The following MTUS2 variants were observed in gnomAD, a reference collection of about 807,000 sequenced individuals.
MTUS2 encodes the protein microtubule associated scaffold protein 2.
Under a neutral mutation model 114.1 loss-of-function variants are expected in MTUS2, and 40 were observed. That is an observed-to-expected ratio of 0.35 (90% CI 0.27 to 0.46). MTUS2 has a LOEUF of 0.46. Ranked by LOEUF, MTUS2 falls within the 20% of genes least tolerant of loss-of-function variation. The pLI is 1.00. For synonymous variants in MTUS2, 688 were observed against 672.0 expected (o/e 1.02, Z -0.37); for missense variants, 1,679 against 1,705.4 (o/e 0.98, Z 0.27).
At chr13:29,475,005 A>G (rs984987113) in intron 9 of MTUS2, among the ~76,000 whole-genome samples, 1 of 152,226 alleles carries the variant, frequency 6.6e-6, no homozygotes, top group African/African-American at 2.4e-5. Context: ...TAAAAACAAA[A>G]TAAATGATTA....
chr13:28,833,299 C>G (rs925053699), intron 1 of MTUS2, among the ~76,000 whole-genome samples: 3 of 151,886 alleles, frequency 2.0e-5, no homozygotes, highest in South Asian at 2.1e-4. Context: ...AATACAGATA[C>G]AAAAATCTGC....
chr13:29,083,197 C>G (rs543110183), intron 4 of MTUS2, among the ~76,000 whole-genome samples: 1 of 152,314 alleles, frequency 6.6e-6, no homozygotes, highest in South Asian at 2.1e-4. Flanking sequence ...AGACGTTGTA[C>G]TATGCACAAG....
At chr13:29,308,646 C>T (rs1018478499) in intron 6 of MTUS2, among the ~76,000 whole-genome samples, 2 of 152,160 alleles carry the variant, frequency 1.3e-5, no homozygotes, top group Non-Finnish European at 2.9e-5. Context: ...TTTTTGCAAT[C>T]TATCCATCTG....
chr13:29,157,809 C>G (rs1200972476), intron 5 of MTUS2, among the ~76,000 whole-genome samples: 1 of 148,642 alleles, frequency 6.7e-6, no homozygotes, highest in Non-Finnish European at 1.5e-5. Context: ...GATATAGATA[C>G]AGATATAGAT....
At chr13:28,873,567 C>T (rs1877751336) in intron 2 of MTUS2, among the ~76,000 whole-genome samples, 1 of 152,202 alleles carries the variant, frequency 6.6e-6, no homozygotes, top group Admixed American at 6.5e-5. Context: ...TAGTGTTTAT[C>T]CTGTCAGTGT....
chr13:29,028,221 T>G (rs1028695676), intron 3 of MTUS2, among the ~76,000 whole-genome samples: 1 of 152,182 alleles, frequency 6.6e-6, no homozygotes, highest in Non-Finnish European at 1.5e-5. Context: ...TGTGGTGGCA[T>G]GTGCCTGTAG....
In MTUS2 at chr13:28,866,223, G is replaced by T. The variant is rs193164013; in HGVS notation, c.-243+26373G>T. ...TACGACACGGTGCCACATTTCTGGTGCTGATTACTGCACTATCTCGTTGTT... is the reference window on the plus strand; with the variant it reads ...TACGACACGGTGCCACATTTCTGGTTCTGATTACTGCACTATCTCGTTGTT... On this transcript the variant is annotated intron_variant, in intron 2 of 15. Coordinates refer to ENST00000612955, the MANE Select transcript of MTUS2 (RefSeq NM_001033602.4). Among the ~76,000 whole-genome samples the T allele has an allele frequency of 7.9e-5, 12 of 152,274 alleles. 1 individual carries two copies. The highest frequency in any genetic ancestry group is 5.2e-4 in the Admixed American group (8 of 15,298).
At chr13:29,043,050 AC>A (rs1371852682) in intron 4 of MTUS2, among the ~76,000 whole-genome samples, 3 of 151,842 alleles carry the variant, frequency 2.0e-5, no homozygotes, top group African/African-American at 7.3e-5. Flanking sequence ...TTGAGGTGTG[AC>A]CTTAGATTGT....
intron 2 of MTUS2, among the ~76,000 whole-genome samples, chr13:28,901,718 G>T (rs1879655017): frequency 6.6e-6 from 1 of 152,128 alleles, no homozygotes; most frequent in African/African-American, 2.4e-5. Context: ...ATTGGTCTGT[G>T]TGTCTATGCC....
chr13:29,338,892 C>T (rs9508371), intron 7 of MTUS2, among the ~76,000 whole-genome samples: 3 of 152,154 alleles, frequency 2.0e-5, no homozygotes, highest in Non-Finnish European at 2.9e-5. Context: ...GAGAGCAACA[C>T]GGTCTCTTCA....
At chr13:29,249,003 CT>C (rs1468484280) in intron 5 of MTUS2, among the ~76,000 whole-genome samples, 1 of 152,046 alleles carries the variant, frequency 6.6e-6, no homozygotes, top group Admixed American at 6.6e-5. Flanking sequence ...TTCTTTCTTT[CT>C]TTCGACAGAG....
At chr13:29,109,887 A>G (rs1481573259) in intron 5 of MTUS2, among the ~76,000 whole-genome samples, 1 of 152,162 alleles carries the variant, frequency 6.6e-6, no homozygotes, top group African/African-American at 2.4e-5. Flanking sequence ...CTAGTTTTGA[A>G]TTTTTATAAC....
rs1882538565 is a variant in MTUS2, at chr13:29,496,104, C to T, written c.3580-1134C>T. ...CTCCTTGGGCATCAGTGGTCCTTTC[C>T]CAGCCTGTGGTCCTGAGAGTCATGG... On this transcript the variant is annotated intron_variant, in intron 12 of 15. Transcript: ENST00000612955. This position sits in a 1 kb window ranked among gnomAD's most constrained non-coding sequence, Gnocchi z 4.3. 6.6e-6 allele frequency among the ~76,000 whole-genome samples: 1 copy of T among 152,116 alleles called. No individual in the cohort carries two copies. Among genetic ancestry groups the T allele is most frequent in the African/African-American group, 2.4e-5 (1 of 41,406 alleles).
intron 9 of MTUS2, among the ~76,000 whole-genome samples, chr13:29,469,018 CATCA>C (rs1335520695): frequency 7.9e-5 from 12 of 152,192 alleles, no homozygotes; most frequent in African/African-American, 2.7e-4. Context: ...ACCCCTGCAT[CATCA>C]CAATACCCAT....
intron 9 of MTUS2, among the ~76,000 whole-genome samples, chr13:29,465,027 C>CT (rs1879787400): frequency 6.6e-6 from 1 of 152,188 alleles, no homozygotes; most frequent in Non-Finnish European, 1.5e-5. Context: ...CCAGATTCCT[C>CT]TTTTTTCATT....
intron 2 of MTUS2, among the ~76,000 whole-genome samples, chr13:28,926,830 C>G (rs1397172833): frequency 6.6e-6 from 1 of 152,086 alleles, no homozygotes; most frequent in Admixed American, 6.6e-5. Context: ...TATGTAATTT[C>G]ATGCAAGGGA....
intron 5 of MTUS2, among the ~76,000 whole-genome samples, chr13:29,245,352 A>AG (rs1436048797): frequency 6.6e-6 from 1 of 152,196 alleles, no homozygotes; most frequent in Non-Finnish European, 1.5e-5. Flanking sequence ...AGAAATCTGC[A>AG]GGGAAAAAGG....
chr13:29,065,386 T>C (rs2475548), intron 4 of MTUS2, among the ~76,000 whole-genome samples: 55,086 of 152,022 alleles, frequency 0.36, 10,149 homozygotes, highest in Admixed American at 0.4. Flanking sequence ...GTGAGTGATA[T>C]TGAGCTTTTT....
At chr13:28,845,906 A>T (rs1276017942) in intron 2 of MTUS2, among the ~76,000 whole-genome samples, 1 of 151,960 alleles carries the variant, frequency 6.6e-6, no homozygotes, top group Non-Finnish European at 1.5e-5. Flanking sequence ...GCACTCAATA[A>T]TATAACAGTG....
Sources: gnomAD v4.1 joint callset for allele counts (sites outside exome capture counted in the v4.1 genomes callset) on GRCh38, gnomAD v4.1.1 for gene constraint, Gnocchi (gnomAD v3.1) non-coding constraint, MANE v1.5 for transcripts, NCBI Gene and HGNC (gene_info 2026-07-23, HGNC 2026-07-21) for gene names.